The following SFXN1 variants were observed in gnomAD, a reference collection of about 807,000 sequenced individuals.
SFXN1 encodes the protein sideroflexin-1.
Under a neutral mutation model 39.5 loss-of-function variants are expected in SFXN1, and 32 were observed. That is an observed-to-expected ratio of 0.81 (90% CI 0.61 to 1.09). The LOEUF (loss-of-function observed/expected upper bound fraction) is 1.09, where lower values mean the gene tolerates loss of function less well. SFXN1 is among the 50% of genes least tolerant of loss of function. The pLI is 0.00. For missense variants in SFXN1, 402 were observed against 407.1 expected (o/e 0.99, Z 0.11); for synonymous variants, 136 against 146.5 (o/e 0.93, Z 0.52).
chr5:175,480,129 C>T (rs1188381208), intron 1 of SFXN1, among the ~76,000 whole-genome samples: 6 of 152,116 alleles, frequency 3.9e-5, no homozygotes, highest in Non-Finnish European at 8.8e-5. Flanking sequence ...GGGCCAGGCG[C>T]GGTGGCTCAC....
At position 175,519,688 on chromosome 5, in the gene SFXN1, CAAG is replaced by C. The variant is rs569519575; in HGVS notation, c.775-2228_775-2226del. 7.1e-3 allele frequency among the ~76,000 whole-genome samples: 1,084 copies of C among 151,980 alleles called. 16 individuals carry two copies. The highest frequency in any genetic ancestry group is 0.025 in the African/African-American group (1,018 of 41,430). ...AGGAACTGCAAAGTGGTACAAGGAACAAGAAAAACATTCGGGGTGGTGAATATT... is the reference window on the plus strand; with the variant it reads ...AGGAACTGCAAAGTGGTACAAGGAACAAAAACATTCGGGGTGGTGAATATT... On this transcript the variant is annotated intron_variant, in intron 8 of 10. Coordinates refer to ENST00000321442, the MANE Select transcript of SFXN1 (RefSeq NM_022754.7).
Position 175,510,157 on chromosome 5 carries a change from T to C in SFXN1, c.384T>C (p.Asn128=). The C allele has an allele frequency of 6.2e-7, 1 of 1,613,502 alleles. No individual in the cohort carries two copies. Among genetic ancestry groups the C allele is most frequent in the Admixed American group, 1.7e-5 (1 of 59,962 alleles). Residue 128 remains asparagine, a synonymous_variant, in exon 4 of 11, where the codon AAT becomes AAC. Coordinates refer to ENST00000321442, the MANE Select transcript of SFXN1 (RefSeq NM_022754.7). The stretch of plus-strand genomic sequence containing the variant: ...GGCAGTGGATTAACCAGTCCTTCAA[T>C]GCCGTCGTCAATTACACCAACAGAA... The part of the protein sequence containing the change: ...LFWQWINQSF[N]AVVNYTNRSG...
intron 1 of SFXN1, among the ~76,000 whole-genome samples, chr5:175,480,335 A>C (rs1173452454): frequency 6.6e-6 from 1 of 151,966 alleles, no homozygotes; most frequent in East Asian, 1.9e-4. Context: ...CGGGAGGCGG[A>C]GCTTGCAGTG....
rs902437376 is a variant in SFXN1 at position 175,492,147 on chromosome 5, G to A, written c.44G>A (p.Arg15Gln). 1.9e-5 allele frequency: 30 copies of A among 1,613,752 alleles called. No individual in the cohort carries two copies. The highest frequency in any genetic ancestry group is 2.3e-5 in the Non-Finnish European group (27 of 1,179,952). ...CCAAACATTAACATCAAGGAACCTC[G>A]ATGGGATCAAAGCACTTTCATTGGA... ...LPPNINIKEP[R>Q]WDQSTFIGRA... The change falls in exon 2 of 11, where the codon CGA becomes CAA. Residue 15 changes from arginine to glutamine, a missense_variant. By Grantham distance (43) the Arg-to-Gln change is conservative. Transcript: ENST00000321442.
intron 1 of SFXN1, among the ~76,000 whole-genome samples, chr5:175,488,745 A>G (rs1644386972): frequency 6.6e-6 from 1 of 152,086 alleles, no homozygotes; most frequent in South Asian, 2.1e-4. Context: ...ACGTGCCTTG[A>G]CTACACTGGA....
At chr5:175,480,305 G>T (rs1581254200) in intron 1 of SFXN1, among the ~76,000 whole-genome samples, 1 of 152,130 alleles carries the variant, frequency 6.6e-6, no homozygotes, top group Non-Finnish European at 1.5e-5. Context: ...GGAGGCTGAG[G>T]CAGGAGAATG....
intron 1 of SFXN1, among the ~76,000 whole-genome samples, chr5:175,488,336 C>G (rs1250654210): frequency 2.0e-5 from 3 of 149,214 alleles, no homozygotes; most frequent in African/African-American, 7.5e-5. Context: ...GAGTTTCGCT[C>G]TTGTTGCCCA....
intron 10 of SFXN1, chr5:175,523,608 C>G (rs1038225012): frequency 1.3e-5 from 2 of 152,020 alleles, no homozygotes; most frequent in Non-Finnish European, 2.9e-5. Flanking sequence ...ATTTGAAAAC[C>G]CATAGAGAAA....
intron 2 of SFXN1, among the ~76,000 whole-genome samples, chr5:175,493,561 G>C (rs1271780506): frequency 6.6e-6 from 1 of 152,160 alleles, no homozygotes; most frequent in Admixed American, 6.5e-5. Context: ...GAACATCCTG[G>C]AACCTTACGA....
intron 4 of SFXN1, 106 bp from the exon 5 acceptor site, chr5:175,511,345 C>G: frequency 1.2e-6 from 1 of 868,026 alleles, no homozygotes; most frequent in Non-Finnish European, 1.9e-6. Flanking sequence ...ACTCTTCATT[C>G]TGAATCATGC....
chr5:175,512,086 G>C (rs762244848), intron 5 of SFXN1, 25 bp from the exon 6 acceptor site: 1 of 1,601,706 alleles, frequency 6.2e-7, no homozygotes, highest in Non-Finnish European at 8.5e-7. Flanking sequence ...ATAAGATAAA[G>C]CTCTTGAAAT....
chr5:175,506,252 T>C (rs1242764023), intron 2 of SFXN1, among the ~76,000 whole-genome samples: 2 of 152,316 alleles, frequency 1.3e-5, no homozygotes, highest in Admixed American at 1.3e-4. Context: ...TATTCCTACC[T>C]GATTACATAA....
Position 175,526,948 on chromosome 5 carries a change from T to C in SFXN1, c.*214T>C, listed in dbSNP as rs1761084140. On this transcript the variant is annotated 3_prime_UTR_variant, in exon 11 of 11. Coordinates refer to ENST00000321442, the MANE Select transcript of SFXN1 (RefSeq NM_022754.7). ...TTACACTGAATCATGTTATGATTTA[T>C]AGAAATACCTTTCCTGTAGCTTTTA... 1 of 553,376 alleles carries C rather than the reference T, an allele frequency of 1.8e-6. No homozygotes were observed. Among genetic ancestry groups the C allele is most frequent in the Admixed American group, 3.5e-5 (1 of 28,866 alleles). 34.3% of individuals were successfully genotyped at this position (553,376 alleles called of 1,614,324 possible).
intron 10 of SFXN1, among the ~76,000 whole-genome samples, chr5:175,525,285 C>T (rs963742944): frequency 2.0e-5 from 3 of 152,322 alleles, no homozygotes; most frequent in Non-Finnish European, 4.4e-5. Context: ...CTGCCTTCAA[C>T]ATCTCAGTTG....
At chr5:175,496,547 A>T (rs1163550611) in intron 2 of SFXN1, among the ~76,000 whole-genome samples, 1 of 152,212 alleles carries the variant, frequency 6.6e-6, no homozygotes, top group Non-Finnish European at 1.5e-5. Context: ...TTTCATTTTA[A>T]AGTTAGTAGA....
At chr5:175,502,497 G>T (rs759138856) in intron 2 of SFXN1, among the ~76,000 whole-genome samples, 27 of 152,180 alleles carry the variant, frequency 1.8e-4, no homozygotes, top group Non-Finnish European at 3.1e-4. Context: ...AATTTCCTTA[G>T]TTATAATTTT....
At chr5:175,521,037 G>T (rs1475202922) in intron 8 of SFXN1, among the ~76,000 whole-genome samples, 2 of 152,000 alleles carry the variant, frequency 1.3e-5, no homozygotes, top group Non-Finnish European at 2.9e-5. Flanking sequence ...TCCCATGCAT[G>T]TTGTCTTCTA....
At chr5:175,502,531 A>G (rs187574458) in intron 2 of SFXN1, among the ~76,000 whole-genome samples, 10 of 152,366 alleles carry the variant, frequency 6.6e-5, no homozygotes, top group African/African-American at 2.4e-4. Context: ...CAGAATAACT[A>G]AAAAGAGAAT....
intron 2 of SFXN1, among the ~76,000 whole-genome samples, chr5:175,503,645 A>C (rs916556419): frequency 6.6e-6 from 1 of 152,228 alleles, no homozygotes; most frequent in Non-Finnish European, 1.5e-5. Flanking sequence ...ATCCCACATC[A>C]GTAGTGAGCA....
Sources: allele counts gnomAD v4.1 joint callset (sites outside exome capture counted in the v4.1 genomes callset), GRCh38; gene constraint gnomAD v4.1.1; transcripts MANE v1.5; gene names NCBI Gene and HGNC (gene_info 2026-07-23, HGNC 2026-07-21).